Variants in PLEKHA5 observed in about 807,000 individuals in gnomAD.
PLEKHA5 encodes pleckstrin homology domain containing A5.
PLEKHA5 carries 55 observed loss-of-function variants against 181.9 expected under a neutral mutation model. The observed-to-expected ratio is 0.30, with a 90% CI of 0.24 to 0.38. The LOEUF (loss-of-function observed/expected upper bound fraction) is 0.38, where lower values mean the gene tolerates loss of function less well. Among genes scored for constraint, PLEKHA5 ranks in the 10% least tolerant of loss-of-function variants. The pLI is 1.00. For synonymous variants in PLEKHA5, 535 were observed against 529.4 expected, an observed-to-expected ratio of 1.01 and a Z score of -0.15; for missense variants, 1,432 against 1,549.5, an observed-to-expected ratio of 0.92 and a Z score of 1.27.
chr12:19,296,589 T>A (rs1157541883), intron 15 of PLEKHA5, among the ~76,000 whole-genome samples: 2 of 152,060 alleles, frequency 1.3e-5, no homozygotes, highest in African/African-American at 4.8e-5. Flanking sequence ...ACCTCAGATC[T>A]TAGGAACACG....
intron 21 of PLEKHA5, among the ~76,000 whole-genome samples, chr12:19,342,140 A>G (rs888356558): frequency 3.3e-5 from 5 of 152,194 alleles, no homozygotes; most frequent in African/African-American, 1.2e-4. Flanking sequence ...CAAAGAAAGT[A>G]TTGTTCTAGG....
At chr12:19,133,253 A>C (rs1171994626) in intron 3 of PLEKHA5, among the ~76,000 whole-genome samples, 1 of 152,036 alleles carries the variant, frequency 6.6e-6, no homozygotes, top group Admixed American at 6.6e-5. Context: ...ATTTATGTTC[A>C]AACTTAATAA....
At chr12:19,283,781 C>A in intron 12 of PLEKHA5, 36 bp downstream of exon 12, 1 of 1,269,210 alleles carries the variant, frequency 7.9e-7, no homozygotes, top group East Asian at 2.3e-5. Context: ...AACTCACTAC[C>A]TTATAAATGC....
chr12:19,345,789 T>C, intron 22 of PLEKHA5, 53 bp from the exon 23 acceptor site: 1 of 849,854 alleles, frequency 1.2e-6, no homozygotes, highest in Admixed American at 2.5e-5. Flanking sequence ...TGTTCTTTTT[T>C]TATAGTATTA....
Position 19,253,948 on chromosome 12 carries a change from A to C in PLEKHA5, c.236A>C (p.Glu79Ala), listed in dbSNP as rs1191281144. The C allele has an allele frequency of 1.3e-6, 2 of 1,594,420 alleles. No homozygotes were observed. The highest frequency in any genetic ancestry group is 4.5e-5 in the East Asian group (2 of 44,712). Residue 79 changes from glutamate to alanine, a missense_variant, in exon 4 of 32, where the codon GAA (glutamate) becomes GCA (alanine). By Grantham distance (107) the Glu-to-Ala change is moderately radical (BLOSUM62 -1). Around this residue, in one of 2 missense-constraint regions of PLEKHA5, gnomAD observed 289 missense variants for 381.1 expected, o/e 0.76. Transcript: ENST00000429027. ...TTTTTTCCTTTTTTCAGCCATAATG[A>C]AAGGAAAGTGACCTGCAAACATCCA... ...EGARYYINHN[E>A]RKVTCKHPVT...
intron 3 of PLEKHA5, among the ~76,000 whole-genome samples, chr12:19,160,567 T>C (rs1341965402): frequency 6.6e-6 from 1 of 152,182 alleles, no homozygotes; most frequent in Non-Finnish European, 1.5e-5. Flanking sequence ...GTTTCCTTCC[T>C]ATACATTTAT....
At chr12:19,263,255 G>A (rs2069102874) in intron 7 of PLEKHA5, among the ~76,000 whole-genome samples, 1 of 152,014 alleles carries the variant, frequency 6.6e-6, no homozygotes, top group African/African-American at 2.4e-5. Flanking sequence ...AACCCTCACA[G>A]CTACCTGATA....
intron 20 of PLEKHA5, among the ~76,000 whole-genome samples, chr12:19,327,046 T>A (rs1035407260): frequency 3.9e-5 from 6 of 152,196 alleles, no homozygotes; most frequent in African/African-American, 1.4e-4. Flanking sequence ...TGTGTATGTT[T>A]GGTAGAAAGA....
At chr12:19,205,234 T>A (rs1565464051) in intron 3 of PLEKHA5, 1 of 202,788 alleles carries the variant, frequency 4.9e-6, no homozygotes, top group Non-Finnish European at 8.7e-6. Context: ...AAATACCAAG[T>A]CATTTAAATT....
At chr12:19,217,244 C>T (rs1375328207) in intron 3 of PLEKHA5, among the ~76,000 whole-genome samples, 2 of 152,168 alleles carry the variant, frequency 1.3e-5, no homozygotes, top group Non-Finnish European at 2.9e-5. Context: ...GCATTATTCT[C>T]TATGCCAGGG....
intron 11 of PLEKHA5, among the ~76,000 whole-genome samples, chr12:19,279,482 G>A (rs2075486752): frequency 6.6e-6 from 1 of 151,902 alleles, no homozygotes; most frequent in Admixed American, 6.6e-5. Context: ...GGCCAACATG[G>A]TGAAACCCTG....
At chr12:19,252,601 C>T (rs1320482501) in intron 3 of PLEKHA5, among the ~76,000 whole-genome samples, 2 of 151,974 alleles carry the variant, frequency 1.3e-5, no homozygotes, top group African/African-American at 4.8e-5. Flanking sequence ...ACATCTTTTT[C>T]TCCAAAAATA....
Position 19,359,920 on chromosome 12 carries a change from C to T in PLEKHA5, c.3483+374C>T, listed in dbSNP as rs111375003. On this transcript the variant is annotated intron_variant, in intron 28 of 31. Coordinates refer to ENST00000429027, the MANE Select transcript of PLEKHA5 (RefSeq NM_001256470.2). ...GGCGGAGCTTGCAGTGAGCCGAGAT[C>T]GCGCCACTACACTCCAGCCTGGGCG... Among the ~76,000 whole-genome samples, 13 of 151,400 alleles carry T rather than the reference C, an allele frequency of 8.6e-5. 1 individual carries two copies. Among genetic ancestry groups the T allele is most frequent in the African/African-American group, 2.9e-4 (12 of 41,252 alleles).
At chr12:19,254,815 T>G (rs1211799792) in intron 4 of PLEKHA5, among the ~76,000 whole-genome samples, 1 of 152,178 alleles carries the variant, frequency 6.6e-6, no homozygotes, top group Non-Finnish European at 1.5e-5. Context: ...AGAGTGAGAC[T>G]CTTGTCTTAA....
chr12:19,209,782 G>A (rs2056537146), intron 3 of PLEKHA5, among the ~76,000 whole-genome samples: 1 of 152,208 alleles, frequency 6.6e-6, no homozygotes, highest in Non-Finnish European at 1.5e-5. Context: ...GATGCTCAAG[G>A]CATTTTCCTT....
At chr12:19,230,036 C>T (rs2060254814) in intron 3 of PLEKHA5, among the ~76,000 whole-genome samples, 1 of 150,736 alleles carries the variant, frequency 6.6e-6, no homozygotes, top group Non-Finnish European at 1.5e-5. Flanking sequence ...AAGTCCGCAC[C>T]AGATTAGCTA....
intron 23 of PLEKHA5, among the ~76,000 whole-genome samples, chr12:19,346,476 AG>A (rs1032834583): frequency 3.2e-4 from 49 of 151,870 alleles, no homozygotes; most frequent in African/African-American, 1.1e-3. Flanking sequence ...CCCCATCTCT[AG>A]AAAACATTGA....
intron 3 of PLEKHA5, among the ~76,000 whole-genome samples, chr12:19,142,918 A>C (rs1193693104): frequency 6.6e-6 from 1 of 152,234 alleles, no homozygotes; most frequent in Non-Finnish European, 1.5e-5. Context: ...TATTTCACTT[A>C]GCATAATGTC....
chr12:19,143,490 C>G (rs1173545693), intron 3 of PLEKHA5, among the ~76,000 whole-genome samples: 2 of 151,974 alleles, frequency 1.3e-5, no homozygotes, highest in African/African-American at 2.4e-5. Context: ...AAATAAAAAT[C>G]ATTCACAGTC....
Sources: allele counts gnomAD v4.1 joint callset (sites outside exome capture counted in the v4.1 genomes callset), GRCh38; gene constraint gnomAD v4.1.1; regional missense constraint gnomAD v4.1.1; transcripts MANE v1.5; gene names NCBI Gene and HGNC (gene_info 2026-07-23, HGNC 2026-07-21).